TF: variants seen among roughly 807,000 people sequenced by gnomAD.
TF encodes the protein serotransferrin.
A neutral mutation model predicts 82.4 loss-of-function variants in TF; 55 were observed. That is an observed-to-expected ratio of 0.67 (90% confidence interval 0.54 to 0.84). TF has a LOEUF of 0.84. TF is among the 40% of genes least tolerant of loss of function. The pLI, the probability that TF is intolerant of heterozygous loss-of-function variation, is 0.00. For synonymous variants in TF, 332 were observed against 332.6 expected (o/e 1.00, Z 0.02); for missense variants, 737 against 868.4 (o/e 0.85, Z 1.90).
chr3:133,681,680 A>C, the TF span, among the ~76,000 whole-genome samples: 2 of 152,212 alleles, frequency 1.3e-5, no homozygotes, highest in African/African-American at 4.8e-5. Flanking sequence ...CTGAGGCTTG[A>C]GTAGGTAAAC....
chr3:133,669,539 G>A, the TF span, among the ~76,000 whole-genome samples: 1 of 152,022 alleles, frequency 6.6e-6, no homozygotes, highest in Non-Finnish European at 1.5e-5. Context: ...TAGAATATAG[G>A]TAGAAGTGAT....
the TF span, among the ~76,000 whole-genome samples, chr3:133,725,215 G>T: frequency 6.6e-6 from 1 of 151,944 alleles, no homozygotes. Flanking sequence ...AGCTTGATGG[G>T]GATGGCATTG....
chr3:133,667,733 C>T, the TF span, among the ~76,000 whole-genome samples: 2 of 152,208 alleles, frequency 1.3e-5, no homozygotes, highest in Non-Finnish European at 2.9e-5. Flanking sequence ...TGAGCCCTGG[C>T]ACAACACCTT....
At chr3:133,699,388 C>T in the TF span, 1 of 932,316 alleles carries the variant, frequency 1.1e-6, no homozygotes, top group Admixed American at 1.9e-5. Flanking sequence ...CATGGGTCAT[C>T]CTAACTATGG....
At chr3:133,691,166 G>A in the TF span, among the ~76,000 whole-genome samples, 13 of 152,194 alleles carry the variant, frequency 8.5e-5, no homozygotes, top group Non-Finnish European at 1.6e-4. Context: ...TTTCCATGAT[G>A]GGTAGGGAAA....
the TF span, among the ~76,000 whole-genome samples, chr3:133,719,394 G>A: frequency 6.6e-6 from 1 of 152,122 alleles, no homozygotes; most frequent in Non-Finnish European, 1.5e-5. Context: ...CTTTGTCCAT[G>A]ACATTTTCCC....
chr3:133,708,927 T>G, the TF span, among the ~76,000 whole-genome samples: 1 of 151,956 alleles, frequency 6.6e-6, no homozygotes, highest in South Asian at 2.1e-4. Flanking sequence ...TACAGGGAAT[T>G]AAATGTTAAC....
the TF span, among the ~76,000 whole-genome samples, chr3:133,683,412 T>C: frequency 6.6e-6 from 1 of 152,066 alleles, no homozygotes; most frequent in African/African-American, 2.4e-5. Flanking sequence ...GACTGGCAAA[T>C]TGGATGAGTC....
At chr3:133,713,307 G>A in the TF span, among the ~76,000 whole-genome samples, 1 of 152,240 alleles carries the variant, frequency 6.6e-6, no homozygotes, top group African/African-American at 2.4e-5. Context: ...CCAACCATGG[G>A]TTGTTGGGCT....
the TF span, among the ~76,000 whole-genome samples, chr3:133,732,403 A>C: frequency 6.6e-6 from 1 of 152,216 alleles, no homozygotes; most frequent in African/African-American, 2.4e-5. Context: ...CGGACCAATC[A>C]GCACTCTATA....
chr3:133,704,874 A>C, the TF span, among the ~76,000 whole-genome samples: 1 of 152,188 alleles, frequency 6.6e-6, no homozygotes, highest in Non-Finnish European at 1.5e-5. Flanking sequence ...TTTCCCTAAT[A>C]TCATTGATTA....
chr3:133,681,658 C>T, the TF span, among the ~76,000 whole-genome samples: 5 of 152,168 alleles, frequency 3.3e-5, no homozygotes, highest in African/African-American at 7.2e-5. Flanking sequence ...GGGGGAGGGG[C>T]GCCCCTCATT....
the TF span, among the ~76,000 whole-genome samples, chr3:133,727,071 G>C: frequency 6.6e-6 from 1 of 151,926 alleles, no homozygotes; most frequent in Admixed American, 6.6e-5. Flanking sequence ...AACTTTACTT[G>C]CAACTATGTG....
the TF span, among the ~76,000 whole-genome samples, chr3:133,719,107 A>G: frequency 7.2e-5 from 11 of 152,186 alleles, no homozygotes; most frequent in African/African-American, 2.4e-4. Context: ...ACCCAGAGAA[A>G]CATTTTTCAT....
the TF span, among the ~76,000 whole-genome samples, chr3:133,681,079 G>A: frequency 6.6e-6 from 1 of 152,288 alleles, no homozygotes; most frequent in Admixed American, 6.5e-5. Context: ...TTTGTAAACA[G>A]CATTTTGCCT....
chr3:133,662,559 C>T, the TF span, among the ~76,000 whole-genome samples: 1 of 152,156 alleles, frequency 6.6e-6, no homozygotes, highest in Admixed American at 6.5e-5. Flanking sequence ...CTCCTCCTCC[C>T]CTTCAGTGGA....
At chr3:133,762,343 T>C (rs1934017047) in intron 9 of TF, 1 of 155,576 alleles carries the variant, frequency 6.4e-6, no homozygotes, top group Non-Finnish European at 1.5e-5. Context: ...CTCTAACAGT[T>C]GTGAAACAGA....
Position 133,748,503 on chromosome 3 carries a change from G to A in TF, c.135G>A (p.Met45Ile). The A allele has an allele frequency of 6.2e-7, 1 of 1,614,138 alleles. No individual in the cohort carries two copies. Among genetic ancestry groups the A allele is most frequent in the South Asian group, 1.1e-5 (1 of 91,076 alleles). ...AGTGCCAGAGTTTCCGCGACCATATGAAAAGCGTCATTCCATCCGATGGTC... is the reference window on the plus strand; with the variant it reads ...AGTGCCAGAGTTTCCGCGACCATATAAAAAGCGTCATTCCATCCGATGGTC... Reference protein sequence around the residue: ...ATKCQSFRDHMKSVIPSDGPS... With the variant: ...ATKCQSFRDHIKSVIPSDGPS... The change falls in exon 2 of 17, where the codon ATG (methionine) becomes ATA (isoleucine). Residue 45 changes from methionine to isoleucine, a missense_variant. Coordinates refer to ENST00000402696, the MANE Select transcript of TF (RefSeq NM_001063.4).
the TF span, among the ~76,000 whole-genome samples, chr3:133,662,563 C>G: frequency 6.6e-6 from 1 of 152,224 alleles, no homozygotes; most frequent in Non-Finnish European, 1.5e-5. Context: ...TCCTCCCCTT[C>G]AGTGGACATC....
Sources: allele counts gnomAD v4.1 joint callset (sites outside exome capture counted in the v4.1 genomes callset), GRCh38; gene constraint gnomAD v4.1.1; transcripts MANE v1.5; gene names NCBI Gene and HGNC (gene_info 2026-07-23, HGNC 2026-07-21).